Variants in UBE2D2 observed in about 807,000 individuals in gnomAD.
The protein encoded by UBE2D2 is ubiquitin conjugating enzyme E2 D2.
UBE2D2 carries 2 observed loss-of-function variants against 24.2 expected under a neutral mutation model. The observed-to-expected ratio is 0.08, with a 90% confidence interval of 0.03 to 0.26. The LOEUF (loss-of-function observed/expected upper bound fraction) is 0.26, where lower values mean the gene tolerates loss of function less well. UBE2D2 is among the 10% of genes least tolerant of loss of function. The pLI is 1.00. For missense variants in UBE2D2, 44 were observed against 177.6 expected, an observed-to-expected ratio of 0.25 and a Z score of 4.28; for synonymous variants, 58 against 56.5, an observed-to-expected ratio of 1.03 and a Z score of -0.12.
At chr5:139,549,690 C>T (rs748850101) in intron 1 of UBE2D2, among the ~76,000 whole-genome samples, 3 of 152,240 alleles carry the variant, frequency 2.0e-5, no homozygotes, top group Admixed American at 6.5e-5. Flanking sequence ...TGCTCCGCGG[C>T]GCCCCATCCC....
chr5:139,589,792 T>C (rs1753804996), intron 1 of UBE2D2, among the ~76,000 whole-genome samples: 1 of 152,108 alleles, frequency 6.6e-6, no homozygotes, highest in African/African-American at 2.4e-5. Flanking sequence ...GTTGGTACTT[T>C]GTTTTTTTTT....
intron 1 of UBE2D2, among the ~76,000 whole-genome samples, chr5:139,572,503 G>A (rs888405240): frequency 6.6e-6 from 1 of 152,060 alleles, no homozygotes; most frequent in Non-Finnish European, 1.5e-5. Context: ...GGCCAAGACA[G>A]GAGGATCGCT....
upstream of UBE2D2, among the ~76,000 whole-genome samples, chr5:139,556,581 G>A (rs1752983181): frequency 6.6e-6 from 1 of 151,978 alleles, no homozygotes; most frequent in African/African-American, 2.4e-5. Flanking sequence ...TATTTATCAA[G>A]GAAAAAATAG....
At chr5:139,552,509 CTTTT>C (rs35945797) in intron 1 of UBE2D2, among the ~76,000 whole-genome samples, 3 of 124,242 alleles carry the variant, frequency 2.4e-5, no homozygotes, top group Admixed American at 8.2e-5. Context: ...TTTCTTTTTT[CTTTT>C]TTTTTTTTTT....
chr5:139,600,594 A>G (rs1754051525), intron 2 of UBE2D2, among the ~76,000 whole-genome samples, 159 bp downstream of exon 2: 1 of 152,158 alleles, frequency 6.6e-6, no homozygotes, highest in East Asian at 1.9e-4. Flanking sequence ...TGTTCATTAC[A>G]TTTTGAATCT....
intron 1 of UBE2D2, among the ~76,000 whole-genome samples, chr5:139,594,881 A>G (rs1753928381): frequency 6.6e-6 from 1 of 152,162 alleles, no homozygotes; most frequent in Non-Finnish European, 1.5e-5. Flanking sequence ...CAAGTCCCTG[A>G]TATAAAATGG....
chr5:139,550,781 C>T (rs539303342), intron 1 of UBE2D2, among the ~76,000 whole-genome samples: 16 of 151,954 alleles, frequency 1.1e-4, no homozygotes, highest in African/African-American at 3.4e-4. Flanking sequence ...TGCAGCTTCA[C>T]TCCTGAAGCC....
chr5:139,605,623 A>G (rs530007665), intron 2 of UBE2D2, among the ~76,000 whole-genome samples: 1 of 150,818 alleles, frequency 6.6e-6, no homozygotes, highest in East Asian at 1.9e-4. Flanking sequence ...AAGAAAAGAA[A>G]GAAACAAATA....
intron 2 of UBE2D2, among the ~76,000 whole-genome samples, chr5:139,602,470 A>G (rs1215117580): frequency 3.9e-5 from 6 of 152,178 alleles, no homozygotes; most frequent in African/African-American, 1.4e-4. Context: ...TGAGCCCAGG[A>G]GTGCGAGACC....
rs13340360 is a variant in UBE2D2 at position 139,585,057 on chromosome 5, C to T, written c.25-15315C>T. Among the ~76,000 whole-genome samples, 1,394 of 151,544 alleles carry T rather than the reference C, an allele frequency of 9.2e-3. 25 individuals carry two copies. Among genetic ancestry groups the T allele is most frequent in the African/African-American group, 0.033 (1,349 of 41,186 alleles). On this transcript the variant is annotated intron_variant, in intron 1 of 6. Coordinates refer to ENST00000398733, the MANE Select transcript of UBE2D2 (RefSeq NM_003339.3). ...CTGGGATTACAGGCATGCACCACCA[C>T]GCCCAGCTAATTTTGTATTTTTAGT...
intron 1 of UBE2D2, among the ~76,000 whole-genome samples, chr5:139,550,759 A>T (rs1350314202): frequency 6.6e-6 from 1 of 152,014 alleles, no homozygotes. Flanking sequence ...TGTAATACTC[A>T]CTGTGAAAGT....
chr5:139,564,920 T>G (rs571726073), intron 1 of UBE2D2, among the ~76,000 whole-genome samples: 40 of 151,942 alleles, frequency 2.6e-4, no homozygotes, highest in Non-Finnish European at 4.0e-4. Flanking sequence ...GGAGATTAAT[T>G]TTTTTTTTCC....
intron 1 of UBE2D2, among the ~76,000 whole-genome samples, chr5:139,576,532 CAA>C: frequency 6.6e-6 from 1 of 152,052 alleles, no homozygotes; most frequent in Middle Eastern, 3.4e-3. Context: ...CCACGCCCGG[CAA>C]ATTTTTTGTT....
intron 2 of UBE2D2, among the ~76,000 whole-genome samples, chr5:139,606,078 C>G (rs1340787065): frequency 1.3e-5 from 2 of 152,086 alleles, no homozygotes; most frequent in Non-Finnish European, 2.9e-5. Flanking sequence ...ATGTGACTCT[C>G]TTGAGATCTG....
chr5:139,550,540 A>G (rs1325878880), intron 1 of UBE2D2, among the ~76,000 whole-genome samples: 16 of 152,156 alleles, frequency 1.1e-4, no homozygotes, highest in Admixed American at 9.8e-4. Flanking sequence ...TAGTAGTGGC[A>G]ACTGGCTCAG....
intron 2 of UBE2D2, among the ~76,000 whole-genome samples, chr5:139,604,841 C>CT (rs1754165619): frequency 6.7e-6 from 1 of 149,502 alleles, no homozygotes; most frequent in South Asian, 2.1e-4. Context: ...GATTTGGCCA[C>CT]TATACTCTAG....
chr5:139,553,406 T>C (rs549808224), intron 1 of UBE2D2, among the ~76,000 whole-genome samples: 61 of 152,316 alleles, frequency 4.0e-4, no homozygotes, highest in African/African-American at 1.3e-3. Context: ...ATCTGTCTAT[T>C]TATATTAATG....
At chr5:139,597,413 G>A (rs1419627342) in intron 1 of UBE2D2, among the ~76,000 whole-genome samples, 3 of 152,186 alleles carry the variant, frequency 2.0e-5, no homozygotes. Context: ...GAATGAGTGT[G>A]TTAAATGTCT....
At chr5:139,596,657 T>C (rs1305293071) in intron 1 of UBE2D2, among the ~76,000 whole-genome samples, 1 of 151,890 alleles carries the variant, frequency 6.6e-6, no homozygotes, top group Admixed American at 6.6e-5. Flanking sequence ...TTCCAGCACT[T>C]TGGGAGGCTG....
Sources: gnomAD v4.1 joint callset for allele counts (sites outside exome capture counted in the v4.1 genomes callset) on GRCh38, gnomAD v4.1.1 for gene constraint, MANE v1.5 for transcripts, NCBI Gene and HGNC (gene_info 2026-07-23, HGNC 2026-07-21) for gene names.